The following TFPI variants were observed in gnomAD, a reference collection of about 807,000 sequenced individuals.
The protein encoded by TFPI is anti-convertin.
In TFPI, 15 loss-of-function variants were observed where a neutral mutation model predicts 34.6. The ratio of observed to expected loss-of-function variants is 0.43; its 90% confidence interval spans 0.29 to 0.67. TFPI has a LOEUF of 0.67. Among genes scored for constraint, TFPI ranks in the 30% least tolerant of loss-of-function variants. The pLI is 0.15. For synonymous variants in TFPI, 105 were observed against 120.1 expected, an observed-to-expected ratio of 0.87 and a Z score of 0.82; for missense variants, 301 against 364.0, an observed-to-expected ratio of 0.83 and a Z score of 1.41.
intron 1 of TFPI, among the ~76,000 whole-genome samples, chr2:187,537,012 G>A (rs183035654): frequency 1.3e-5 from 2 of 152,152 alleles, no homozygotes; most frequent in Admixed American, 6.5e-5. Context: ...AAAAGACCTA[G>A]GAATACAACT....
chr2:187,489,808 A>G (rs2106042504), intron 3 of TFPI, among the ~76,000 whole-genome samples: 1 of 151,704 alleles, frequency 6.6e-6, no homozygotes, highest in South Asian at 2.1e-4. Context: ...TATATTACCA[A>G]TAATTGTCTT....
At chr2:187,527,987 T>TA (rs1687764289) in intron 1 of TFPI, among the ~76,000 whole-genome samples, 1 of 151,998 alleles carries the variant, frequency 6.6e-6, no homozygotes, top group African/African-American at 2.4e-5. Flanking sequence ...ATATATGAAA[T>TA]AGAGGCCAAA....
intron 1 of TFPI, among the ~76,000 whole-genome samples, chr2:187,546,107 G>C (rs774628925): frequency 6.6e-6 from 1 of 151,880 alleles, no homozygotes; most frequent in Admixed American, 6.6e-5. Context: ...AGAATACAAC[G>C]AACACATTGA....
intron 6 of TFPI, among the ~76,000 whole-genome samples, chr2:187,477,549 G>A (rs1297324280): frequency 6.6e-6 from 1 of 152,130 alleles, no homozygotes; most frequent in Non-Finnish European, 1.5e-5. Context: ...TCTTTAGCCG[G>A]TGAGGGAGAG....
chr2:187,477,936 G>A (rs1002409578), intron 6 of TFPI, among the ~76,000 whole-genome samples: 1 of 152,172 alleles, frequency 6.6e-6, no homozygotes, highest in Non-Finnish European at 1.5e-5. Context: ...AGGCTGGCAG[G>A]AGGCAATGTG....
chr2:187,484,340 A>C, intron 5 of TFPI, 124 bp from the exon 6 acceptor site: 2 of 684,720 alleles, frequency 2.9e-6, no homozygotes, highest in South Asian at 2.0e-5. Context: ...GCTATGTTAA[A>C]TTAGCAAACA....
rs1223385226 is a variant in TFPI, at chr2:187,496,885, T to G, written c.315A>C (p.Thr105=). ...TAAGGGTTCCCAGAAACCTACCTCTTGTACACATTTTTTTGCACTCTTCCA... is the reference window on the plus strand; with the variant it reads ...TAAGGGTTCCCAGAAACCTACCTCTGGTACACATTTTTTTGCACTCTTCCA... ...ESLEECKKMC[T]RDNANRIIKT... Residue 105 remains threonine, a synonymous_variant, in exon 3 of 8, where the codon ACA becomes ACC. Transcript: ENST00000233156. 1.2e-6 allele frequency: 2 copies of G among 1,612,814 alleles called. No homozygotes were observed. The highest frequency in any genetic ancestry group is 1.7e-6 in the Non-Finnish European group (2 of 1,179,244).
intron 3 of TFPI, among the ~76,000 whole-genome samples, chr2:187,494,153 G>A (rs183781136): frequency 6.6e-6 from 1 of 152,134 alleles, no homozygotes; most frequent in East Asian, 1.9e-4. Flanking sequence ...TCACTACCAC[G>A]ATAATAGCAT....
At chr2:187,511,477 C>G (rs1686629298) in intron 1 of TFPI, among the ~76,000 whole-genome samples, 1 of 151,910 alleles carries the variant, frequency 6.6e-6, no homozygotes, top group Admixed American at 6.6e-5. Flanking sequence ...TGTTTTGTCT[C>G]GAGGAAGCAT....
intron 1 of TFPI, among the ~76,000 whole-genome samples, chr2:187,549,712 T>C (rs911998885): frequency 6.6e-5 from 10 of 152,108 alleles, no homozygotes; most frequent in Admixed American, 1.3e-4. Flanking sequence ...AAATGTATGT[T>C]TATCTTATTT....
intron 1 of TFPI, among the ~76,000 whole-genome samples, chr2:187,508,036 C>T (rs571781298): frequency 1.3e-4 from 20 of 152,292 alleles, no homozygotes; most frequent in African/African-American, 4.6e-4. Context: ...CATGGCTAGT[C>T]AGTTTTCCCA....
intron 7 of TFPI, 73 bp downstream of exon 7, chr2:187,467,680 T>G (rs1691792716): frequency 1.5e-6 from 2 of 1,316,796 alleles, no homozygotes; most frequent in South Asian, 4.1e-5. Context: ...ATTTCATATC[T>G]TAATAGATTA....
chr2:187,534,252 A>C (rs540851329), intron 1 of TFPI, among the ~76,000 whole-genome samples: 16 of 152,288 alleles, frequency 1.1e-4, no homozygotes, highest in African/African-American at 3.6e-4. Context: ...AAAGCAACCC[A>C]AAAACACATA....
intron 1 of TFPI, among the ~76,000 whole-genome samples, chr2:187,507,099 T>G (rs2106138188): frequency 6.6e-6 from 1 of 151,882 alleles, no homozygotes; most frequent in South Asian, 2.1e-4. Flanking sequence ...TGATGTTCCC[T>G]TCCCTGTGTC....
intron 1 of TFPI, among the ~76,000 whole-genome samples, chr2:187,532,269 A>G (rs1300958471): frequency 6.6e-6 from 1 of 151,798 alleles, no homozygotes. Flanking sequence ...GATAATATTG[A>G]TAACTTTTGA....
intron 1 of TFPI, among the ~76,000 whole-genome samples, chr2:187,540,194 C>T (rs185693493): frequency 3.3e-5 from 5 of 152,240 alleles, no homozygotes; most frequent in African/African-American, 7.2e-5. Context: ...TGAGTCACCG[C>T]GCCCCGGCCA....
At position 187,503,236 on chromosome 2, in the gene TFPI, G is replaced by A. The variant is rs953745474; in HGVS notation, c.121+412C>T. On this transcript the variant is annotated intron_variant, in intron 2 of 7. Transcript: ENST00000233156. Reference sequence around the variant, plus strand: ...TGATTTTGGAAATATGGGGAAGAAAGAGAGAATAGCTGAAACCTCAGATGT... The same window carrying A: ...TGATTTTGGAAATATGGGGAAGAAAAAGAGAATAGCTGAAACCTCAGATGT... Among the ~76,000 whole-genome samples, 8 of 151,982 alleles carry A rather than the reference G, an allele frequency of 5.3e-5. No homozygotes were observed. In the South Asian group the frequency reaches 1.0e-3, roughly 20 times the overall value.
At chr2:187,547,236 A>G (rs1044885530) in intron 1 of TFPI, 1 of 152,200 alleles carries the variant, frequency 6.6e-6, no homozygotes, top group African/African-American at 2.4e-5. Context: ...TACACTCATA[A>G]TACCTGAGAC....
intron 6 of TFPI, among the ~76,000 whole-genome samples, chr2:187,478,341 T>C (rs187308115): frequency 1.8e-4 from 27 of 151,988 alleles, no homozygotes; most frequent in African/African-American, 6.3e-4. Flanking sequence ...GCCTGGGCAA[T>C]AAGAGTGAAA....
Sources: gnomAD v4.1 joint callset for allele counts (sites outside exome capture counted in the v4.1 genomes callset) on GRCh38, gnomAD v4.1.1 for gene constraint, MANE v1.5 for transcripts, NCBI Gene and HGNC (gene_info 2026-07-23, HGNC 2026-07-21) for gene names.